Variants in DPH6 observed in about 807,000 individuals in gnomAD.
The protein encoded by DPH6 is diphthine--ammonia ligase.
A neutral mutation model predicts 38.2 loss-of-function variants in DPH6; 33 were observed. That is an observed-to-expected ratio of 0.86 (90% confidence interval 0.65 to 1.15). DPH6 has a LOEUF of 1.15. Ranked by LOEUF, DPH6 falls within the 50% of genes most tolerant of loss-of-function variation. The pLI, the probability that DPH6 is intolerant of heterozygous loss-of-function variation, is 0.00. For synonymous variants in DPH6, 108 were observed against 103.0 expected, an observed-to-expected ratio of 1.05 and a Z score of -0.30; for missense variants, 325 against 320.0, an observed-to-expected ratio of 1.02 and a Z score of -0.12.
intron 3 of DPH6, among the ~76,000 whole-genome samples, chr15:35,475,424 C>A (rs1315229125): frequency 1.3e-5 from 2 of 152,074 alleles, no homozygotes; most frequent in East Asian, 3.9e-4. Flanking sequence ...AATTGAGAAC[C>A]TAATCAGAGC....
intron 6 of DPH6, among the ~76,000 whole-genome samples, chr15:35,391,315 T>A (rs1278373016): frequency 6.6e-6 from 1 of 152,172 alleles, no homozygotes; most frequent in Non-Finnish European, 1.5e-5. Flanking sequence ...AGGCAGTCTG[T>A]CCATTCTCAG....
chr15:35,289,726 T>C (rs565245485), intron 3 of DPH6, among the ~76,000 whole-genome samples: 1 of 152,360 alleles, frequency 6.6e-6, no homozygotes, highest in South Asian at 2.1e-4. Flanking sequence ...TCTTATAAAT[T>C]AAAATGTATC....
At chr15:35,440,088 C>G (rs888833396) in intron 5 of DPH6, among the ~76,000 whole-genome samples, 4 of 152,106 alleles carry the variant, frequency 2.6e-5, no homozygotes, top group African/African-American at 9.7e-5. Flanking sequence ...TCCTGTGAAC[C>G]AACCAGCAAT....
At chr15:35,380,792 C>T (rs935751187) in intron 7 of DPH6, among the ~76,000 whole-genome samples, 1 of 152,124 alleles carries the variant, frequency 6.6e-6, no homozygotes, top group Admixed American at 6.5e-5. Context: ...TAATTACACA[C>T]AGATGTCTTT....
the DPH6 span, among the ~76,000 whole-genome samples, chr15:35,170,191 A>C: frequency 6.6e-6 from 1 of 152,186 alleles, no homozygotes; most frequent in Non-Finnish European, 1.5e-5. Flanking sequence ...AAAGAGTGAG[A>C]ACTTCCCACT....
At chr15:35,289,015 G>C (rs540404768) in intron 3 of DPH6, among the ~76,000 whole-genome samples, 1 of 151,428 alleles carries the variant, frequency 6.6e-6, no homozygotes, top group African/African-American at 2.4e-5. Flanking sequence ...AAAATGAAAA[G>C]AGGAACTTGT....
At chr15:35,427,578 G>C (rs1438793866) in intron 5 of DPH6, among the ~76,000 whole-genome samples, 1 of 151,838 alleles carries the variant, frequency 6.6e-6, no homozygotes, top group African/African-American at 2.4e-5. Flanking sequence ...TCAACATCAG[G>C]ATAAGGTTAA....
chr15:35,499,304 A>G (rs917151294), intron 3 of DPH6, among the ~76,000 whole-genome samples: 14 of 152,150 alleles, frequency 9.2e-5, no homozygotes, highest in Admixed American at 8.5e-4. Flanking sequence ...TTCAGAAAGG[A>G]GGGATTCTTC....
intron 3 of DPH6, among the ~76,000 whole-genome samples, chr15:35,301,560 A>G (rs776733057): frequency 1.3e-5 from 2 of 152,262 alleles, no homozygotes; most frequent in African/African-American, 2.4e-5. Flanking sequence ...AATCCAAATT[A>G]AGATTCTTAT....
intron 3 of DPH6, among the ~76,000 whole-genome samples, chr15:35,245,232 C>CTTTTTT (rs71123123): frequency 7.5e-4 from 61 of 81,380 alleles, no homozygotes; most frequent in Admixed American, 1.4e-3. Flanking sequence ...ATTGTTCTTG[C>CTTTTTT]TTTTTTTTTT....
At chr15:35,323,511 C>T (rs564659179) in intron 3 of DPH6, among the ~76,000 whole-genome samples, 1 of 152,240 alleles carries the variant, frequency 6.6e-6, no homozygotes, top group South Asian at 2.1e-4. Flanking sequence ...CATCACTTTG[C>T]TCCCAAAGTC....
At chr15:35,155,167 A>G in the DPH6 span, among the ~76,000 whole-genome samples, 3 of 152,202 alleles carry the variant, frequency 2.0e-5, no homozygotes, top group Non-Finnish European at 4.4e-5. Context: ...TACAGTGCAC[A>G]TTGCCCGATC....
intron 2 of DPH6, among the ~76,000 whole-genome samples, 162 bp from the exon 3 acceptor site, chr15:35,538,629 T>C (rs938027989): frequency 6.6e-6 from 1 of 152,192 alleles, no homozygotes; most frequent in African/African-American, 2.4e-5. Flanking sequence ...ACATAAGAAT[T>C]GCACATTTGT....
chr15:35,209,483 A>T, the DPH6 span, among the ~76,000 whole-genome samples: 2 of 152,216 alleles, frequency 1.3e-5, no homozygotes, highest in East Asian at 3.8e-4. Flanking sequence ...AAACTCAGTT[A>T]CTATTTTAGA....
At chr15:35,525,728 T>C (rs987456966) in intron 3 of DPH6, among the ~76,000 whole-genome samples, 1 of 152,086 alleles carries the variant, frequency 6.6e-6, no homozygotes, top group African/African-American at 2.4e-5. Flanking sequence ...TAGTCCCAGA[T>C]ATGCAGGACG....
chr15:35,421,952 T>C (rs906667325), intron 5 of DPH6, among the ~76,000 whole-genome samples: 1 of 151,866 alleles, frequency 6.6e-6, no homozygotes, highest in African/African-American at 2.4e-5. Flanking sequence ...GACAAAGCAT[T>C]AGTATAGAAG....
downstream of DPH6, among the ~76,000 whole-genome samples, chr15:35,368,484 G>C (rs1434649432): frequency 1.3e-5 from 2 of 152,044 alleles, no homozygotes; most frequent in East Asian, 1.9e-4. Context: ...ACACTAGAAA[G>C]AAAATCTATA....
In DPH6 at chr15:35,521,882, C is replaced by T. The variant is rs577157159; in HGVS notation, c.312+16392G>A. The T allele has an allele frequency of 2.4e-5, 33 of 1,381,936 alleles. No individual in the cohort carries two copies. The African/African-American group carries it at 4.1e-4, about 17-fold the overall frequency. The allele number at this position is 1,381,936 out of a possible 1,614,324, so 85.6% of individuals were successfully genotyped here. A position where few individuals can be genotyped will look rare whatever the true frequency, so the allele number is the denominator to read the frequency against. ...GCAGTCATTAATGTTAATTAGTGTTCACATTACATTCCTTGGGATGAATCT... is the reference window on the plus strand; with the variant it reads ...GCAGTCATTAATGTTAATTAGTGTTTACATTACATTCCTTGGGATGAATCT... On this transcript the variant is annotated intron_variant, in intron 3 of 8. Transcript: ENST00000256538.
intron 3 of DPH6, chr15:35,521,132 A>G (rs1453889214): frequency 2.0e-6 from 2 of 985,164 alleles, no homozygotes; most frequent in African/African-American, 3.5e-5. Context: ...TAAAGTGGCT[A>G]GTACTGACTC....
Sources: gnomAD v4.1 joint callset for allele counts (sites outside exome capture counted in the v4.1 genomes callset) on GRCh38, gnomAD v4.1.1 for gene constraint, MANE v1.5 for transcripts, NCBI Gene and HGNC (gene_info 2026-07-23, HGNC 2026-07-21) for gene names.